The following RBFOX1 variants were observed in gnomAD, a reference collection of about 807,000 sequenced individuals.
RBFOX1 encodes the protein RNA binding fox-1 homolog 1.
A neutral mutation model predicts 57.7 loss-of-function variants in RBFOX1; 8 were observed. The ratio of observed to expected loss-of-function variants is 0.14; its 90% CI spans 0.08 to 0.25. The LOEUF (loss-of-function observed/expected upper bound fraction) is 0.25, where lower values mean the gene tolerates loss of function less well. Ranked by LOEUF, RBFOX1 falls within the 10% of genes least tolerant of loss-of-function variation. RBFOX1 has a pLI of 1.00. For synonymous variants in RBFOX1, 326 were observed against 222.4 expected (o/e 1.47, Z -4.15); for missense variants, 611 against 548.5 (o/e 1.11, Z -1.14).
intron 3 of RBFOX1, among the ~76,000 whole-genome samples, chr16:6,988,086 C>G (rs2090685639): frequency 6.6e-6 from 1 of 151,798 alleles, no homozygotes; most frequent in Admixed American, 6.6e-5. Context: ...ATGGTAAAAC[C>G]AAGAATCAAA....
intron 14 of RBFOX1, among the ~76,000 whole-genome samples, chr16:7,699,308 C>T (rs941573420): frequency 2.6e-5 from 4 of 152,226 alleles, no homozygotes; most frequent in African/African-American, 9.6e-5. Flanking sequence ...CCTCCCACTT[C>T]ACCCTCCCTA....
chr16:5,373,796 G>C (rs1008487880), intron 1 of RBFOX1, among the ~76,000 whole-genome samples: 4 of 152,022 alleles, frequency 2.6e-5, no homozygotes, highest in African/African-American at 9.7e-5. Context: ...TAGAGATGGG[G>C]TTTCACCATA....
chr16:6,890,970 G>C (rs987948690), intron 3 of RBFOX1, among the ~76,000 whole-genome samples: 1 of 152,186 alleles, frequency 6.6e-6, no homozygotes, highest in Non-Finnish European at 1.5e-5. Flanking sequence ...AATTCGTGTG[G>C]AGTCACCTGG....
At chr16:5,613,649 G>A (rs1483086390) in intron 3 of RBFOX1, among the ~76,000 whole-genome samples, 1 of 152,152 alleles carries the variant, frequency 6.6e-6, no homozygotes, top group Admixed American at 6.5e-5. Context: ...AGGCAGTCCA[G>A]TACCAGGACC....
chr16:6,238,786 G>A (rs2097524716), intron 1 of RBFOX1, among the ~76,000 whole-genome samples: 1 of 152,054 alleles, frequency 6.6e-6, no homozygotes, highest in Non-Finnish European at 1.5e-5. Flanking sequence ...TTTTGTGGTT[G>A]TATATATTTA....
rs7200411 is a variant in RBFOX1 at position 7,655,674 on chromosome 16, T to C, written c.890+1727T>C. Among the ~76,000 whole-genome samples, 355 of 152,104 alleles carry C rather than the reference T, an allele frequency of 2.3e-3. 1 individual carries two copies. The highest frequency in any genetic ancestry group is 8.3e-3 in the African/African-American group (346 of 41,558). The stretch of plus-strand genomic sequence containing the variant: ...GGCTCATGTAATTACTAAAGCAAGA[T>C]TTGTATGCTATAAATCCAAAATTGC... On this transcript the variant is annotated intron_variant, in intron 12 of 15. Coordinates refer to ENST00000550418, the MANE Select transcript of RBFOX1 (RefSeq NM_018723.4).
At chr16:5,443,079 G>C (rs1269735476) in intron 1 of RBFOX1, among the ~76,000 whole-genome samples, 4 of 152,298 alleles carry the variant, frequency 2.6e-5, no homozygotes, top group East Asian at 3.9e-4. Flanking sequence ...AGAGCATTTG[G>C]AGGGAGGGTA....
At chr16:6,794,259 T>C (rs1387984328) in intron 3 of RBFOX1, among the ~76,000 whole-genome samples, 1 of 150,134 alleles carries the variant, frequency 6.7e-6, no homozygotes, top group Non-Finnish European at 1.5e-5. Context: ...CTCCATGTTG[T>C]GTGTTGTTTT....
At chr16:7,387,726 C>T (rs2097908767) in intron 4 of RBFOX1, among the ~76,000 whole-genome samples, 1 of 152,128 alleles carries the variant, frequency 6.6e-6, no homozygotes, top group Non-Finnish European at 1.5e-5. Flanking sequence ...TGGTACACAT[C>T]CTGCGTCAAC....
intron 4 of RBFOX1, among the ~76,000 whole-genome samples, chr16:7,495,365 C>T (rs774537207): frequency 2.6e-5 from 4 of 152,212 alleles, no homozygotes; most frequent in Non-Finnish European, 5.9e-5. Context: ...AAGAGTAGCT[C>T]TGTTTTAAGT....
chr16:7,693,366 A>C, intron 14 of RBFOX1: 1 of 1,608,596 alleles, frequency 6.2e-7, no homozygotes, highest in Non-Finnish European at 8.5e-7. Context: ...ACACCTCTGC[A>C]GGTAACAAAC....
At chr16:5,278,704 G>A (rs1006173691) in intron 1 of RBFOX1, among the ~76,000 whole-genome samples, 1 of 152,148 alleles carries the variant, frequency 6.6e-6, no homozygotes, top group African/African-American at 2.4e-5. Flanking sequence ...TTTACTTCTA[G>A]TAGTTTTATA....
At chr16:7,382,415 C>T (rs1182568293) in intron 4 of RBFOX1, among the ~76,000 whole-genome samples, 3 of 152,232 alleles carry the variant, frequency 2.0e-5, no homozygotes, top group African/African-American at 4.8e-5. Flanking sequence ...AATCATTCAC[C>T]TTGATTATGA....
chr16:7,083,633 T>TC (rs1158415508), intron 4 of RBFOX1, among the ~76,000 whole-genome samples: 1 of 152,116 alleles, frequency 6.6e-6, no homozygotes, highest in Admixed American at 6.5e-5. Context: ...ATTACATTAT[T>TC]CATTTTTAAT....
chr16:7,413,668 C>T (rs909048697), intron 4 of RBFOX1, among the ~76,000 whole-genome samples: 1 of 151,902 alleles, frequency 6.6e-6, no homozygotes, highest in Non-Finnish European at 1.5e-5. Flanking sequence ...ACATAAATGT[C>T]AAAAAAGTAT....
At chr16:5,289,163 C>G (rs796823547) in intron 1 of RBFOX1, 1 of 232,104 alleles carries the variant, frequency 4.3e-6, no homozygotes, top group South Asian at 8.3e-5. Context: ...CATTAAAAAA[C>G]CAACACTGAT....
intron 4 of RBFOX1, among the ~76,000 whole-genome samples, chr16:7,382,253 C>T (rs2097792770): frequency 6.6e-6 from 1 of 152,126 alleles, no homozygotes; most frequent in South Asian, 2.1e-4. Context: ...ATTCTCAGTT[C>T]CACTAAATAT....
At chr16:7,356,395 A>C (rs1411639163) in intron 4 of RBFOX1, among the ~76,000 whole-genome samples, 1 of 152,202 alleles carries the variant, frequency 6.6e-6, no homozygotes, top group East Asian at 1.9e-4. Flanking sequence ...GAGCATGCAC[A>C]CTAAAGAAAA....
intron 3 of RBFOX1, among the ~76,000 whole-genome samples, chr16:5,734,576 C>T (rs900924494): frequency 1.3e-5 from 2 of 152,180 alleles, no homozygotes; most frequent in Admixed American, 6.5e-5. Context: ...CATGTTTGAT[C>T]CTCCAATGAA....
Sources: allele counts gnomAD v4.1 joint callset (sites outside exome capture counted in the v4.1 genomes callset), GRCh38; gene constraint gnomAD v4.1.1; transcripts MANE v1.5; gene names NCBI Gene and HGNC (gene_info 2026-07-23, HGNC 2026-07-21).